The following CTH variants were observed in gnomAD, a reference collection of about 807,000 sequenced individuals.
CTH encodes the protein cystathionine gamma-lyase.
Under a neutral mutation model 50.6 loss-of-function variants are expected in CTH, and 41 were observed. The observed-to-expected ratio is 0.81, with a 90% CI of 0.63 to 1.05. CTH has a LOEUF of 1.05. Among genes scored for constraint, CTH ranks in the 50% least tolerant of loss-of-function variants. The pLI, the probability that CTH is intolerant of heterozygous loss-of-function variation, is 0.00. For synonymous variants in CTH, 156 were observed against 168.9 expected (o/e 0.92, Z 0.59); for missense variants, 470 against 492.6 (o/e 0.95, Z 0.43).
chr1:70,424,301 C>A lies in CTH; in HGVS notation c.473C>A (p.Thr158Asn), dbSNP rs776763826. 2 of 1,614,012 alleles carry A rather than the reference C, an allele frequency of 1.2e-6. No homozygotes were observed. The highest frequency in any genetic ancestry group is 3.3e-5 in the Admixed American group (2 of 60,012). Residue 158 changes from threonine (T) to asparagine (N), a missense_variant, in exon 5 of 12, where the codon ACC becomes AAC. Thr to Asn is a moderately conservative substitution (Grantham distance 65). Coordinates refer to ENST00000370938, the MANE Select transcript of CTH (RefSeq NM_001902.6). ...TPETKLVWIE[T>N]PTNPTQKVID... is the part of the protein sequence containing the mutation. ...TTATTTTAGCTTGTTTGGATCGAAA[C>A]CCCCACAAACCCCACCCAGAAGGTG...
At chr1:70,418,695 T>C (rs574474940) in intron 3 of CTH, among the ~76,000 whole-genome samples, 12 of 152,352 alleles carry the variant, frequency 7.9e-5, no homozygotes, top group Admixed American at 2.6e-4. Flanking sequence ...GTAATAAAGA[T>C]GAAATACAAC....
chr1:70,432,808 C>T (rs373974696), intron 8 of CTH, among the ~76,000 whole-genome samples: 6 of 151,654 alleles, frequency 4.0e-5, no homozygotes, highest in Admixed American at 1.3e-4. Flanking sequence ...CTCAGCCTCC[C>T]GAGTAGCTGG....
chr1:70,435,842 A>G (rs1481344977), intron 10 of CTH, among the ~76,000 whole-genome samples: 1 of 152,168 alleles, frequency 6.6e-6, no homozygotes, highest in African/African-American at 2.4e-5. Context: ...AAAGATCCAG[A>G]AAGTTGAGCT....
At chr1:70,419,276 A>G (rs1273509596) in intron 3 of CTH, among the ~76,000 whole-genome samples, 3 of 152,136 alleles carry the variant, frequency 2.0e-5, no homozygotes, top group Non-Finnish European at 2.9e-5. Flanking sequence ...TAGTGCCGCA[A>G]TAAACATACA....
rs572069699 is a variant in CTH at position 70,424,969 on chromosome 1, T to G, written c.588+553T>G. Among the ~76,000 whole-genome samples the G allele has an allele frequency of 2.6e-5, 4 of 152,218 alleles. No homozygotes were observed. In the East Asian group the frequency reaches 5.8e-4, roughly 22 times the overall value. On this transcript the variant is annotated intron_variant, in intron 5 of 11. Coordinates refer to ENST00000370938, the MANE Select transcript of CTH (RefSeq NM_001902.6). ...ACGAGTTCTCTTAGAGTGTGTAAACTCTGAAGAAATGGCCTTATTATGTGA... is the reference window on the plus strand; with the variant it reads ...ACGAGTTCTCTTAGAGTGTGTAAACGCTGAAGAAATGGCCTTATTATGTGA...
chr1:70,427,210 C>T (rs967394897), intron 5 of CTH, among the ~76,000 whole-genome samples: 5 of 152,282 alleles, frequency 3.3e-5, no homozygotes, highest in African/African-American at 7.2e-5. Context: ...GTAAGTCTCA[C>T]GAAAGGCAAA....
chr1:70,411,283 T>TCGCCG lies in CTH; in HGVS notation c.-132_-128dup. 2 of 883,686 alleles carry TCGCCG rather than the reference T, an allele frequency of 2.3e-6. No homozygotes were observed. Among genetic ancestry groups the TCGCCG allele is most frequent in the South Asian group, 2.6e-5 (2 of 75,846 alleles). 54.7% of individuals were successfully genotyped at this position (883,686 alleles called of 1,614,324 possible). On this transcript the variant is annotated 5_prime_UTR_variant, in exon 1 of 12. Transcript: ENST00000370938. ...ATCGCTGTGTGCCGCTTTAGTGCGCTCGCCGTCGGCTCTACCTGCGTGCTT... is the reference window on the plus strand; with the variant it reads ...ATCGCTGTGTGCCGCTTTAGTGCGCTCGCCGCGCCGTCGGCTCTACCTGCGTGCTT...
chr1:70,434,027 C>A, intron 9 of CTH, 78 bp downstream of exon 9: 2 of 1,594,630 alleles, frequency 1.3e-6, no homozygotes, highest in African/African-American at 1.3e-5. Context: ...TCTACTCAAG[C>A]CAGATAATGT....
At chr1:70,417,257 C>T (rs78279999) in intron 2 of CTH, among the ~76,000 whole-genome samples, 3,476 of 151,538 alleles carry the variant, frequency 0.023, 136 homozygotes, top group African/African-American at 0.079. Flanking sequence ...CATATCTTTG[C>T]TCTATTCTTT....
At chr1:70,415,556 A>C (rs1349339254) in intron 1 of CTH, among the ~76,000 whole-genome samples, 1 of 152,260 alleles carries the variant, frequency 6.6e-6, no homozygotes, top group Non-Finnish European at 1.5e-5. Context: ...AAACATACTA[A>C]TAATAAAAAC....
At chr1:70,417,040 G>A (rs1684108375) in intron 2 of CTH, among the ~76,000 whole-genome samples, 1 of 151,972 alleles carries the variant, frequency 6.6e-6, no homozygotes, top group Non-Finnish European at 1.5e-5. Flanking sequence ...TTGTGCCTGA[G>A]AATAGCACTA....
chr1:70,411,964 A>C (rs1683975833), intron 1 of CTH, among the ~76,000 whole-genome samples: 1 of 152,238 alleles, frequency 6.6e-6, no homozygotes, highest in African/African-American at 2.4e-5. Context: ...ACTTGACTAG[A>C]ATTAAGATTG....
intron 3 of CTH, among the ~76,000 whole-genome samples, chr1:70,419,948 C>A (rs1432615773): frequency 6.6e-6 from 1 of 151,012 alleles, no homozygotes; most frequent in Non-Finnish European, 1.5e-5. Context: ...TCACTAAGTC[C>A]TTTAAAACAG....
intron 3 of CTH, among the ~76,000 whole-genome samples, chr1:70,420,321 T>A (rs1197537348): frequency 5.9e-5 from 9 of 152,150 alleles, no homozygotes; most frequent in Non-Finnish European, 7.4e-5. Flanking sequence ...GAATACAATT[T>A]TTCCAGGGAC....
chr1:70,425,128 G>A (rs1684318833), intron 5 of CTH, among the ~76,000 whole-genome samples: 1 of 152,006 alleles, frequency 6.6e-6, no homozygotes, highest in Non-Finnish European at 1.5e-5. Context: ...AATGATTTCA[G>A]TATATATTAT....
chr1:70,416,809 G>A (rs59031466), intron 2 of CTH, among the ~76,000 whole-genome samples: 11,636 of 151,478 alleles, frequency 0.077, 517 homozygotes, highest in East Asian at 0.17. Flanking sequence ...GTGATCTCCC[G>A]CCTTGGACTC....
At chr1:70,431,464 A>G (rs186896181) in intron 7 of CTH, among the ~76,000 whole-genome samples, 189 of 152,312 alleles carry the variant, frequency 1.2e-3, no homozygotes, top group African/African-American at 4.3e-3. Flanking sequence ...ACCATTTCCT[A>G]TTTACATTGC....
At chr1:70,420,272 G>A (rs575525789) in intron 3 of CTH, among the ~76,000 whole-genome samples, 1 of 152,310 alleles carries the variant, frequency 6.6e-6, no homozygotes, top group South Asian at 2.1e-4. Flanking sequence ...GATTACAGAT[G>A]TGAGTCACTC....
In CTH at chr1:70,438,771, G is replaced by T. The variant is rs753911466; in HGVS notation, c.1136G>T (p.Gly379Val). 2 of 1,613,822 alleles carry T rather than the reference G, an allele frequency of 1.2e-6. No homozygotes were observed. The highest frequency in any genetic ancestry group is 2.2e-5 in the South Asian group (2 of 91,074). Reference sequence around the variant, plus strand: ...GACACACTGATTCGACTTTCTGTGGGCTTAGAGGATGAGGAAGACCTACTG... The same window carrying T: ...GACACACTGATTCGACTTTCTGTGGTCTTAGAGGATGAGGAAGACCTACTG... ...ISDTLIRLSV[G>V]LEDEEDLLED... The change falls in exon 11 of 12, where the codon GGC becomes GTC. Residue 379 changes from glycine to valine, a missense_variant. Physicochemically the swap from Gly to Val is moderately radical, Grantham distance 109 (BLOSUM62 -3). Transcript: ENST00000370938.
Sources: gnomAD v4.1 joint callset for allele counts (sites outside exome capture counted in the v4.1 genomes callset) on GRCh38, gnomAD v4.1.1 for gene constraint, MANE v1.5 for transcripts, NCBI Gene and HGNC (gene_info 2026-07-23, HGNC 2026-07-21) for gene names.